SAMMSON: variants seen among roughly 807,000 people sequenced by gnomAD.
SAMMSON encodes the protein survival associated mitochondrial melanoma specific oncogenic non-coding RNA, also known as long intergenic non-protein coding RNA 1212.
At chr3:70,123,115 G>T (rs1000557343) in intron 4 of SAMMSON, among the ~76,000 whole-genome samples, 2 of 152,178 alleles carry the variant, frequency 1.3e-5, no homozygotes, top group African/African-American at 4.8e-5. Flanking sequence ...AGATGATGGG[G>T]CTACCCACAG....
intron 3 of SAMMSON, among the ~76,000 whole-genome samples, chr3:70,036,432 T>C (rs2067085369): frequency 6.6e-6 from 1 of 152,182 alleles, no homozygotes; most frequent in Non-Finnish European, 1.5e-5. Context: ...CACTCTCAGA[T>C]GAAGGCTTTT....
At chr3:70,212,329 C>G (rs940184606) in intron 4 of SAMMSON, among the ~76,000 whole-genome samples, 46 of 152,194 alleles carry the variant, frequency 3.0e-4, no homozygotes, top group African/African-American at 9.4e-4. Flanking sequence ...AATTATGATG[C>G]CTCTTTCTAC....
At chr3:70,216,114 T>C (rs900451261) in intron 4 of SAMMSON, among the ~76,000 whole-genome samples, 1 of 151,782 alleles carries the variant, frequency 6.6e-6, no homozygotes, top group African/African-American at 2.4e-5. Context: ...ATATCTGGTA[T>C]ATGTGGAATT....
chr3:70,425,371 A>G (rs1701354477), intron 2 of SAMMSON, among the ~76,000 whole-genome samples: 1 of 152,034 alleles, frequency 6.6e-6, no homozygotes, highest in African/African-American at 2.4e-5. Context: ...CAGCAGACTG[A>G]CAACCTATTT....
chr3:70,100,533 G>GAATAAAA (rs143471172), intron 4 of SAMMSON, among the ~76,000 whole-genome samples: 2 of 149,456 alleles, frequency 1.3e-5, no homozygotes, highest in South Asian at 2.1e-4. Flanking sequence ...GGGGGGGGGG[G>GAATAAAA]AAGCACCAAA....
At chr3:70,252,104 G>C (rs1159199071) in intron 6 of SAMMSON, among the ~76,000 whole-genome samples, 2 of 152,186 alleles carry the variant, frequency 1.3e-5, no homozygotes, top group Non-Finnish European at 2.9e-5. Flanking sequence ...TGAAGCTGCA[G>C]CTTGAATTCA....
intron 4 of SAMMSON, among the ~76,000 whole-genome samples, chr3:70,106,521 CTAGAGA>C (rs934719607): frequency 2.2e-5 from 3 of 133,580 alleles, no homozygotes; most frequent in African/African-American, 8.5e-5. Flanking sequence ...TTTTTTTTTT[CTAGAGA>C]TAGAGTCTTG....
At chr3:70,396,284 A>G (rs981938289) in intron 2 of SAMMSON, among the ~76,000 whole-genome samples, 4 of 152,236 alleles carry the variant, frequency 2.6e-5, no homozygotes, top group African/African-American at 9.6e-5. Context: ...AACATACACA[A>G]TAAAGGGCTA....
intron 6 of SAMMSON, among the ~76,000 whole-genome samples, chr3:70,290,637 T>C (rs1575617249): frequency 1.3e-5 from 2 of 152,324 alleles, no homozygotes; most frequent in Admixed American, 6.5e-5. Context: ...GCCTGGGCAA[T>C]GGCGGGCGCC....
chr3:70,332,616 G>A (rs1279705504), intron 7 of SAMMSON: 1 of 151,634 alleles, frequency 6.6e-6, no homozygotes, highest in Admixed American at 6.6e-5. Context: ...TTTTTTTTGA[G>A]ATGGAGTCTC....
chr3:70,093,499 G>A (rs1372602908), intron 4 of SAMMSON, among the ~76,000 whole-genome samples: 1 of 152,162 alleles, frequency 6.6e-6, no homozygotes, highest in East Asian at 1.9e-4. Flanking sequence ...GACTTGCTCT[G>A]TGTTAGACCT....
At chr3:70,203,933 A>G (rs2106722092) in intron 4 of SAMMSON, among the ~76,000 whole-genome samples, 1 of 152,238 alleles carries the variant, frequency 6.6e-6, no homozygotes, top group South Asian at 2.1e-4. Context: ...TTTCCATTTT[A>G]TTCAGGAAAG....
At position 70,241,078 on chromosome 3, in the gene SAMMSON, C is replaced by T. The variant is rs187207736; in HGVS notation, n.508-8029C>T. Reference sequence around the variant, plus strand: ...GTGTTTTTAGCCTGTGATGTGACTGCGGTGACACTGACTTCTGTGACTTCT... The same window carrying T: ...GTGTTTTTAGCCTGTGATGTGACTGTGGTGACACTGACTTCTGTGACTTCT... On this transcript the variant is annotated intron_variant and non_coding_transcript_variant, in intron 4 of 9. Transcript: ENST00000642114. Among the ~76,000 whole-genome samples, 14 of 152,164 alleles carry T rather than the reference C, an allele frequency of 9.2e-5. No homozygotes were observed. The East Asian group carries it at 2.5e-3, about 27-fold the overall frequency.
At chr3:70,292,924 T>C (rs1230763016) in intron 7 of SAMMSON, among the ~76,000 whole-genome samples, 3 of 151,684 alleles carry the variant, frequency 2.0e-5, no homozygotes, top group East Asian at 1.9e-4. Context: ...TTTGAAATTA[T>C]CTAACAAGAA....
rs370188458 is a variant in SAMMSON at position 70,426,870 on chromosome 3, G to A, written n.234-35690G>A. 1.6e-4 allele frequency among the ~76,000 whole-genome samples: 25 copies of A among 152,284 alleles called. No homozygotes were observed. In the East Asian group the frequency reaches 3.9e-3, roughly 24 times the overall value. The stretch of plus-strand genomic sequence containing the variant: ...CCTAGCATCTGGATCATACAGAAGC[G>A]TGCTCAGTCTGAGTTGAAAAACTGA... On this transcript the variant is annotated intron_variant and non_coding_transcript_variant, in intron 2 of 3. Transcript: ENST00000641053.
rs183609437 is a variant in SAMMSON at position 70,054,368 on chromosome 3, G to C, written n.418-17108G>C. ...ATCTTGGAATGCACAGCAAGGAAGA[G>C]AGCCCAGCACATAATTTGGTTCTCC... On this transcript the variant is annotated intron_variant and non_coding_transcript_variant, in intron 3 of 9. Transcript: ENST00000642114. Among the ~76,000 whole-genome samples, 955 of 152,208 alleles carry C rather than the reference G, an allele frequency of 6.3e-3. 4 individuals are homozygous for C. The highest frequency in any genetic ancestry group is 9.5e-3 in the Non-Finnish European group (643 of 67,986).
intron 3 of SAMMSON, among the ~76,000 whole-genome samples, chr3:70,065,825 A>G (rs1228389602): frequency 2.6e-5 from 4 of 152,162 alleles, no homozygotes; most frequent in African/African-American, 7.2e-5. Flanking sequence ...ACCCTGCCCC[A>G]GAACTGCCCA....
intron 4 of SAMMSON, among the ~76,000 whole-genome samples, chr3:70,193,414 C>T (rs73116258): frequency 0.13 from 20,427 of 152,168 alleles, 1,698 homozygotes; most frequent in Non-Finnish European, 0.19. Context: ...TCACCTCAGC[C>T]TCCTGAGTGG....
intron 3 of SAMMSON, among the ~76,000 whole-genome samples, chr3:70,061,963 CT>C (rs2067191966): frequency 6.6e-6 from 1 of 152,212 alleles, no homozygotes; most frequent in African/African-American, 2.4e-5. Context: ...ACACTTATGT[CT>C]TTGGAACCCC....
Sources: gnomAD v4.1 joint callset for allele counts (sites outside exome capture counted in the v4.1 genomes callset) on GRCh38, gnomAD v4.1.1 for gene constraint, MANE v1.5 for transcripts, NCBI Gene and HGNC (gene_info 2026-07-23, HGNC 2026-07-21) for gene names.